Variants in REPS2 observed in about 807,000 individuals in gnomAD.
The protein encoded by REPS2 is RALBP1 associated Eps domain containing 2.
REPS2 carries 23 observed loss-of-function variants against 53.6 expected under a neutral mutation model. The ratio of observed to expected loss-of-function variants is 0.43; its 90% CI spans 0.31 to 0.61. The LOEUF (loss-of-function observed/expected upper bound fraction) is 0.61, where lower values mean the gene tolerates loss of function less well. Ranked by LOEUF, REPS2 falls within the 20% of genes least tolerant of loss-of-function variation. The pLI is 0.11. For synonymous variants in REPS2, 238 were observed against 218.6 expected (o/e 1.09, Z -0.78); for missense variants, 446 against 534.9 (o/e 0.83, Z 1.64).
rs2063561290 is a variant in REPS2, at chrX:17,150,683, G to A, written c.*3202G>A. The A allele has an allele frequency of 8.9e-6, 1 of 111,852 alleles. No individual in the cohort carries two copies. The highest frequency in any genetic ancestry group is 1.9e-5 in the Non-Finnish European group (1 of 53,217). The allele number at this position is 111,852 out of a possible 1,213,427, so 9.2% of individuals were successfully genotyped here. On this transcript the variant is annotated 3_prime_UTR_variant, in exon 18 of 18. Transcript: ENST00000357277. ...CACTGGAGAATAGGATGTCAGAGCT[G>A]GGCAGGACTGGTACCCATCATTTGC... is the stretch of plus-strand genomic sequence containing the variant.
intron 6 of REPS2, among the ~76,000 whole-genome samples, chrX:17,050,206 T>G (rs1303688418): frequency 3.0e-5 from 1 of 33,775 alleles, no homozygotes; most frequent in Non-Finnish European, 6.0e-5. Context: ...TTTTTTTTTT[T>G]TTTTGACAGG....
chrX:17,181,978 C>T, the REPS2 span, among the ~76,000 whole-genome samples: 2 of 111,887 alleles, frequency 1.8e-5, no homozygotes, highest in East Asian at 2.8e-4. Flanking sequence ...TTGCTATTCC[C>T]CTATCAACAG....
chrX:17,170,806 C>A, the REPS2 span, among the ~76,000 whole-genome samples: 1 of 112,734 alleles, frequency 8.9e-6, no homozygotes, highest in African/African-American at 3.2e-5. Flanking sequence ...CCACATGCTT[C>A]TGAGAGACTC....
At chrX:17,106,415 C>CTT (rs1228397463) in intron 14 of REPS2, among the ~76,000 whole-genome samples, 7 of 100,275 alleles carry the variant, frequency 7.0e-5, no homozygotes, top group Non-Finnish European at 8.2e-5. Flanking sequence ...CCTGAAGTAA[C>CTT]TTTTTTTTTT....
chrX:17,189,874 TCCCTAACAGAAC>T, the REPS2 span, among the ~76,000 whole-genome samples: 2 of 111,914 alleles, frequency 1.8e-5, no homozygotes, highest in Non-Finnish European at 3.8e-5. Flanking sequence ...TCTGCCCAGG[TCCCTAACAGAAC>T]ATGAAAGGAA....
At chrX:17,122,606 C>G (rs1368436628) in intron 14 of REPS2, among the ~76,000 whole-genome samples, 1 of 112,067 alleles carries the variant, frequency 8.9e-6, no homozygotes, top group Non-Finnish European at 1.9e-5. Flanking sequence ...TTAGTAGGTA[C>G]TGCCAAACAG....
intron 13 of REPS2, among the ~76,000 whole-genome samples, chrX:17,079,707 A>G (rs2062429999): frequency 8.9e-6 from 1 of 112,184 alleles, no homozygotes; most frequent in South Asian, 3.7e-4. Context: ...TTCATAGCCT[A>G]ATTCCATTGT....
the REPS2 span, among the ~76,000 whole-genome samples, chrX:17,173,829 T>C: frequency 8.9e-6 from 1 of 112,049 alleles, no homozygotes; most frequent in African/African-American, 3.2e-5. Context: ...TCACAAATTA[T>C]AAAAGATGGA....
intron 9 of REPS2, among the ~76,000 whole-genome samples, chrX:17,065,054 A>G (rs186911088): frequency 8.9e-6 from 1 of 112,099 alleles, no homozygotes; most frequent in African/African-American, 3.2e-5. Context: ...CATTGCTTCC[A>G]CTTTTGGCTA....
At position 17,151,965 on chromosome X, in the gene REPS2, G is replaced by A. The variant is rs2063573305; in HGVS notation, c.*4484G>A. On this transcript the variant is annotated 3_prime_UTR_variant, in exon 18 of 18. Transcript: ENST00000357277. ...TTGGAGTCCTCAGCTCACATGTCTT[G>A]TTCCTCCTTCAGCACAAGCTAGGGG... 9.1e-6 allele frequency: 1 copy of A among 109,291 alleles called. No individual in the cohort carries two copies. Among genetic ancestry groups the A allele is most frequent in the South Asian group, 4.0e-4 (1 of 2,517 alleles). The allele number at this position is 109,291 out of a possible 1,213,427, so 9.0% of individuals were successfully genotyped here. A position where few individuals can be genotyped will look rare whatever the true frequency, so the allele number is the denominator to read the frequency against.
At chrX:17,049,351 C>A (rs1288536620) in intron 6 of REPS2, among the ~76,000 whole-genome samples, 1 of 111,862 alleles carries the variant, frequency 8.9e-6, no homozygotes, top group Non-Finnish European at 1.9e-5. Flanking sequence ...AGGTTATTGT[C>A]CTCTTCTAGT....
At chrX:17,083,436 T>C (rs925700115) in intron 13 of REPS2, among the ~76,000 whole-genome samples, 2 of 111,397 alleles carry the variant, frequency 1.8e-5, no homozygotes, top group Non-Finnish European at 3.8e-5. Flanking sequence ...TTCAGTGCCT[T>C]TCCAACACTG....
chrX:17,181,565 C>A, the REPS2 span, among the ~76,000 whole-genome samples: 1 of 111,811 alleles, frequency 8.9e-6, no homozygotes, highest in African/African-American at 3.3e-5. Flanking sequence ...CACAGCAGGC[C>A]CAGCAATCTG....
At chrX:17,157,781 C>T (rs1242564333), downstream of REPS2, among the ~76,000 whole-genome samples, 3 of 112,443 alleles carry the variant, frequency 2.7e-5, no homozygotes, top group Non-Finnish European at 5.6e-5. Flanking sequence ...AATAATCCTT[C>T]ACATGGTCAA....
chrX:16,968,295 C>A (rs1255403453), intron 1 of REPS2, among the ~76,000 whole-genome samples: 1 of 112,569 alleles, frequency 8.9e-6, no homozygotes, highest in African/African-American at 3.2e-5. Flanking sequence ...CCCACCTTTC[C>A]CCCCTTTCTA....
intron 1 of REPS2, among the ~76,000 whole-genome samples, chrX:16,976,991 C>T (rs1256270778): frequency 9.0e-6 from 1 of 111,581 alleles, no homozygotes; most frequent in Non-Finnish European, 1.9e-5. Context: ...CCTGAGTCTC[C>T]TGCTCTTGAA....
the REPS2 span, among the ~76,000 whole-genome samples, chrX:17,160,744 T>A: frequency 8.9e-6 from 1 of 112,272 alleles, no homozygotes; most frequent in East Asian, 2.8e-4. Context: ...GAAGGTAAAG[T>A]TGAGAGCCAA....
the REPS2 span, among the ~76,000 whole-genome samples, chrX:17,178,795 G>A: frequency 2.6e-4 from 29 of 110,580 alleles, 1 homozygote; most frequent in African/African-American, 9.6e-4. Context: ...AGGTGTGGTG[G>A]CGTCGGAGGC....
At position 17,089,140 on chromosome X, in the gene REPS2, A is replaced by G. The variant is rs759210758; in HGVS notation, c.1516+11733A>G. Among the ~76,000 whole-genome samples the G allele has an allele frequency of 6.4e-4, 72 of 111,643 alleles. 3 individuals carry two copies. The highest frequency in any genetic ancestry group is 1.3e-4 in the Non-Finnish European group (7 of 53,139). ...AAATGTTAGTAGATTTCTCTGAGGTACTTCAGGGAGATAGGAAAGGAGCTT... is the reference window on the plus strand; with the variant it reads ...AAATGTTAGTAGATTTCTCTGAGGTGCTTCAGGGAGATAGGAAAGGAGCTT... On this transcript the variant is annotated intron_variant, in intron 13 of 17. Coordinates refer to ENST00000357277, the MANE Select transcript of REPS2 (RefSeq NM_004726.3).
Sources: allele counts gnomAD v4.1 joint callset (sites outside exome capture counted in the v4.1 genomes callset), GRCh38; gene constraint gnomAD v4.1.1; transcripts MANE v1.5; gene names NCBI Gene and HGNC (gene_info 2026-07-23, HGNC 2026-07-21).